SLC8A1: variants seen among roughly 807,000 people sequenced by gnomAD.
SLC8A1 encodes the protein sodium/calcium exchanger 1.
In SLC8A1, 18 loss-of-function variants were observed where a neutral mutation model predicts 68.3. The observed-to-expected ratio is 0.26, with a 90% confidence interval of 0.18 to 0.39. The LOEUF is 0.39. Among genes scored for constraint, SLC8A1 ranks in the 10% least tolerant of loss-of-function variants. The pLI is 1.00. For missense variants in SLC8A1, 985 were observed against 1,156.7 expected, an observed-to-expected ratio of 0.85 and a Z score of 2.15; for synonymous variants, 475 against 415.5, an observed-to-expected ratio of 1.14 and a Z score of -1.74.
At chr2:40,400,867 G>A (rs561259172) in intron 2 of SLC8A1, among the ~76,000 whole-genome samples, 12 of 152,274 alleles carry the variant, frequency 7.9e-5, no homozygotes, top group African/African-American at 2.2e-4. Context: ...CCAGTTCTCC[G>A]TGTAATAAGC....
At chr2:40,446,203 G>A (rs964372362) in intron 1 of SLC8A1, among the ~76,000 whole-genome samples, 7 of 152,208 alleles carry the variant, frequency 4.6e-5, no homozygotes, top group Non-Finnish European at 1.0e-4. Flanking sequence ...CAAGTGGTCT[G>A]TCTCTTGCCT....
At position 40,256,391 on chromosome 2, in the gene SLC8A1, G is replaced by A. The variant is rs564672421; in HGVS notation, c.1809-78536C>T. Among the ~76,000 whole-genome samples the A allele has an allele frequency of 7.9e-5, 12 of 152,232 alleles. No individual in the cohort carries two copies. The East Asian group carries it at 2.3e-3, about 30-fold the overall frequency. On this transcript the variant is annotated intron_variant, in intron 2 of 7. Transcript: ENST00000406785. ...TACTTTCATGAATTCAAGAATGTAT[G>A]ATCATTATGATGTATACATATACAC...
exon 8 of SLC8A1, chr2:40,102,988 T>G (rs2033984920): frequency 6.6e-6 from 1 of 152,186 alleles, no homozygotes; most frequent in Admixed American, 6.5e-5. Context: ...TTAATTTTCT[T>G]TCTCAATATT....
In SLC8A1 at chr2:40,125,482, A is replaced by G. The variant is rs369174384; in HGVS notation, c.2438-9853T>C. On this transcript the variant is annotated intron_variant, in intron 7 of 7. Coordinates refer to ENST00000406785, the Ensembl canonical transcript of SLC8A1. ...TGTGTTTGTGTCTTCATTTTCCCCC[A>G]CCTACTCGTGTTAAGCATTGAAGAA... Among the ~76,000 whole-genome samples the G allele has an allele frequency of 6.9e-4, 105 of 152,242 alleles. 1 individual carries two copies. Among genetic ancestry groups the G allele is most frequent in the African/African-American group, 2.5e-3 (103 of 41,538 alleles).
chr2:40,256,185 G>A (rs1360177540), intron 2 of SLC8A1, among the ~76,000 whole-genome samples: 1 of 152,150 alleles, frequency 6.6e-6, no homozygotes. Context: ...AACATCCGGT[G>A]ATATTGGACC....
intron 2 of SLC8A1, among the ~76,000 whole-genome samples, chr2:40,351,092 T>C (rs1670935322): frequency 6.6e-6 from 1 of 152,196 alleles, no homozygotes. Flanking sequence ...TAAAGCATTA[T>C]AAGTGGATTT....
intron 2 of SLC8A1, among the ~76,000 whole-genome samples, chr2:40,424,512 T>C (rs1243095604): frequency 6.6e-6 from 1 of 151,816 alleles, no homozygotes; most frequent in Non-Finnish European, 1.5e-5. Flanking sequence ...AAATGTGATA[T>C]AAATATTGAG....
At chr2:40,200,263 T>TAG (rs2054110749) in intron 2 of SLC8A1, among the ~76,000 whole-genome samples, 1 of 80,480 alleles carries the variant, frequency 1.2e-5, no homozygotes, top group Non-Finnish European at 2.3e-5. Flanking sequence ...TATATATATA[T>TAG]ATATAACCTC....
chr2:40,431,017 G>C (rs538511635), intron 1 of SLC8A1, among the ~76,000 whole-genome samples: 1 of 152,284 alleles, frequency 6.6e-6, no homozygotes, highest in African/African-American at 2.4e-5. Context: ...ATTAAGTACA[G>C]TTTTTAAAAG....
At chr2:40,381,772 A>T (rs965567432) in intron 2 of SLC8A1, among the ~76,000 whole-genome samples, 1 of 151,102 alleles carries the variant, frequency 6.6e-6, no homozygotes, top group Non-Finnish European at 1.5e-5. Context: ...GATAGTATCA[A>T]GGAACTGAAA....
chr2:40,445,466 A>G (rs1490909302), intron 1 of SLC8A1, among the ~76,000 whole-genome samples: 1 of 152,100 alleles, frequency 6.6e-6, no homozygotes, highest in Non-Finnish European at 1.5e-5. Context: ...GAAAAAGAAA[A>G]AGAGGTAACT....
chr2:40,440,483 TA>T (rs894653200), intron 1 of SLC8A1, among the ~76,000 whole-genome samples: 1 of 152,162 alleles, frequency 6.6e-6, no homozygotes, highest in Middle Eastern at 3.4e-3. Context: ...ATTCATTCAT[TA>T]AAAAAAATCA....
chr2:40,413,934 T>C (rs1395330092), intron 2 of SLC8A1, among the ~76,000 whole-genome samples: 3 of 152,196 alleles, frequency 2.0e-5, no homozygotes, highest in Admixed American at 1.3e-4. Context: ...AACAGATTGA[T>C]TTGCCAACCA....
chr2:40,148,355 A>G (rs1378861956), intron 6 of SLC8A1, among the ~76,000 whole-genome samples: 1 of 152,168 alleles, frequency 6.6e-6, no homozygotes, highest in Non-Finnish European at 1.5e-5. Flanking sequence ...CAGCAAATGG[A>G]AAGGACGCTG....
intron 2 of SLC8A1, among the ~76,000 whole-genome samples, chr2:40,221,404 G>C (rs894445442): frequency 1.1e-4 from 16 of 152,102 alleles, no homozygotes; most frequent in Admixed American, 2.6e-4. Context: ...AGCTATCTAT[G>C]ACAAACCCAC....
intron 2 of SLC8A1, among the ~76,000 whole-genome samples, chr2:40,224,298 G>A (rs529065781): frequency 6.6e-6 from 1 of 152,120 alleles, no homozygotes; most frequent in East Asian, 1.9e-4. Context: ...TCAGGAGGCA[G>A]AGTCAGAGAG....
At chr2:40,299,481 G>A (rs2071026076) in intron 2 of SLC8A1, among the ~76,000 whole-genome samples, 1 of 152,128 alleles carries the variant, frequency 6.6e-6, no homozygotes, top group Non-Finnish European at 1.5e-5. Context: ...AGTTGAAGGA[G>A]CCCTGGAAGA....
chr2:40,139,371 G>A, intron 7 of SLC8A1, 30 bp downstream of exon 10: 1 of 1,608,846 alleles, frequency 6.2e-7, no homozygotes, highest in Non-Finnish European at 8.5e-7. Flanking sequence ...TTCTGCTACT[G>A]GGGGAATTAT....
At chr2:40,409,913 C>A (rs149859955) in intron 2 of SLC8A1, among the ~76,000 whole-genome samples, 7 of 152,160 alleles carry the variant, frequency 4.6e-5, no homozygotes, top group Admixed American at 4.6e-4. Flanking sequence ...TACTGCATAT[C>A]TGGCATCCCT....
Sources: allele counts gnomAD v4.1 joint callset (sites outside exome capture counted in the v4.1 genomes callset), GRCh38; gene constraint gnomAD v4.1.1; transcripts MANE v1.5; gene names NCBI Gene and HGNC (gene_info 2026-07-23, HGNC 2026-07-21).